Variants in CHM observed in about 807,000 individuals in gnomAD.
CHM encodes CHM Rab escort protein, also known as rab proteins geranylgeranyltransferase component A 1.
A neutral mutation model predicts 49.0 loss-of-function variants in CHM; 10 were observed. That is an observed-to-expected ratio of 0.20 (90% CI 0.13 to 0.35). The LOEUF is 0.35. Among genes scored for constraint, CHM ranks in the 10% least tolerant of loss-of-function variants. The pLI, the probability that CHM is intolerant of heterozygous loss-of-function variation, is 1.00. For synonymous variants in CHM, 184 were observed against 167.5 expected, an observed-to-expected ratio of 1.10 and a Z score of -0.76; for missense variants, 455 against 478.4, an observed-to-expected ratio of 0.95 and a Z score of 0.46.
At chrX:85,955,615 C>G (rs1438593133) in intron 8 of CHM, among the ~76,000 whole-genome samples, 1 of 111,783 alleles carries the variant, frequency 8.9e-6, no homozygotes, top group Admixed American at 9.5e-5. Context: ...TTCTTATGTA[C>G]GGCTAAAAGG....
At chrX:85,915,026 A>G (rs1451794379) in intron 8 of CHM, among the ~76,000 whole-genome samples, 1 of 110,517 alleles carries the variant, frequency 9.0e-6, no homozygotes, top group Non-Finnish European at 1.9e-5. Flanking sequence ...CTTCAAAAAA[A>G]TAAAAAAATA....
At chrX:85,910,375 A>G (rs1299810543) in intron 9 of CHM, among the ~76,000 whole-genome samples, 2 of 111,552 alleles carry the variant, frequency 1.8e-5, no homozygotes, top group Non-Finnish European at 3.8e-5. Flanking sequence ...CCTAAAAACA[A>G]TCATCTAAGA....
intron 9 of CHM, among the ~76,000 whole-genome samples, chrX:85,901,544 TC>T (rs774361172): frequency 1.8e-5 from 2 of 110,511 alleles, no homozygotes; most frequent in African/African-American, 3.3e-5. Flanking sequence ...GGCTTTTTTT[TC>T]CCCCCTTCAC....
chrX:86,012,010 TAA>T (rs1933094696), intron 2 of CHM, among the ~76,000 whole-genome samples: 1 of 112,259 alleles, frequency 8.9e-6, no homozygotes, highest in African/African-American at 3.2e-5. Flanking sequence ...TGTAAAAGAA[TAA>T]GTCTGTATTG....
intron 2 of CHM, among the ~76,000 whole-genome samples, chrX:85,991,440 T>A (rs3790354): frequency 0.18 from 19,519 of 110,830 alleles, 1,581 homozygotes; most frequent in Middle Eastern, 0.25. Flanking sequence ...ACAAGATATA[T>A]TGGTAGCTGT....
At chrX:86,037,110 CTTT>C (rs1048558599) in intron 1 of CHM, among the ~76,000 whole-genome samples, 4 of 70,770 alleles carry the variant, frequency 5.7e-5, no homozygotes, top group Admixed American at 1.8e-4. Context: ...CTAATTTTTC[CTTT>C]TTTTTTTTTT....
At chrX:85,868,396 C>T (rs769056559) in intron 14 of CHM, among the ~76,000 whole-genome samples, 3 of 110,707 alleles carry the variant, frequency 2.7e-5, no homozygotes, top group Non-Finnish European at 3.8e-5. Flanking sequence ...CTCTCCATCC[C>T]GGAGACTCAC....
intron 12 of CHM, among the ~76,000 whole-genome samples, chrX:85,887,865 T>C (rs1214684199): frequency 2.7e-5 from 3 of 111,324 alleles, no homozygotes. Context: ...ATTTACGGTA[T>C]CTGGTGGAAG....
At chrX:85,904,299 A>G (rs1926463314) in intron 9 of CHM, among the ~76,000 whole-genome samples, 1 of 111,417 alleles carries the variant, frequency 9.0e-6, no homozygotes, top group Non-Finnish European at 1.9e-5. Context: ...CACAATGACC[A>G]AGCTGACCAT....
At chrX:85,873,981 T>C (rs1393532124) in intron 13 of CHM, among the ~76,000 whole-genome samples, 1 of 111,336 alleles carries the variant, frequency 9.0e-6, no homozygotes, top group East Asian at 2.8e-4. Flanking sequence ...GCATGTGTCT[T>C]TTATGCGTGT....
intron 8 of CHM, among the ~76,000 whole-genome samples, chrX:85,933,077 G>C (rs893217031): frequency 9.0e-6 from 1 of 111,085 alleles, no homozygotes; most frequent in East Asian, 2.8e-4. Flanking sequence ...AGGCACAGTG[G>C]TGTGCTTGTA....
At chrX:85,914,053 G>C (rs1603249274) in intron 8 of CHM, among the ~76,000 whole-genome samples, 1 of 111,718 alleles carries the variant, frequency 9.0e-6, no homozygotes, top group East Asian at 2.8e-4. Context: ...AATAGGCATA[G>C]AATGGTTCAC....
intron 2 of CHM, 178 bp downstream of exon 2, chrX:86,027,313 C>A: frequency 4.6e-6 from 2 of 439,320 alleles, no homozygotes; most frequent in Admixed American, 3.6e-5. Context: ...AACTTGTATG[C>A]TATATATTTC....
At chrX:86,032,175 G>T (rs1238444536) in intron 1 of CHM, among the ~76,000 whole-genome samples, 1 of 111,938 alleles carries the variant, frequency 8.9e-6, no homozygotes, top group Non-Finnish European at 1.9e-5. Context: ...TGCTTATTTT[G>T]AACTATACAG....
Position 86,001,831 on chromosome X carries a change from C to CA in CHM, c.117-20023dup, listed in dbSNP as rs773676422. Among the ~76,000 whole-genome samples the CA allele has an allele frequency of 5.8e-3, 606 of 104,679 alleles. 3 individuals are homozygous for CA. Among genetic ancestry groups the CA allele is most frequent in the African/African-American group, 0.02 (566 of 28,879 alleles). The allele number at this position is 104,679 out of a possible 115,157, so 90.9% of individuals were successfully genotyped here. A position where few individuals can be genotyped will look rare whatever the true frequency, so the allele number is the denominator to read the frequency against. On this transcript the variant is annotated intron_variant, in intron 2 of 14. Coordinates refer to ENST00000357749, the MANE Select transcript of CHM (RefSeq NM_000390.4). The stretch of plus-strand genomic sequence containing the variant: ...ACAATCAATTGAAAAACAATTTTTT[C>CA]AAAAAAAAAAGTTGTTGTTAAAGTG...
intron 2 of CHM, among the ~76,000 whole-genome samples, chrX:85,989,161 A>G (rs779543419): frequency 1.6e-4 from 18 of 111,840 alleles, no homozygotes; most frequent in Non-Finnish European, 3.0e-4. Flanking sequence ...ACATAGACCA[A>G]TGGAACTGAA....
intron 14 of CHM, among the ~76,000 whole-genome samples, chrX:85,869,167 C>T (rs1175020688): frequency 9.0e-6 from 1 of 111,346 alleles, no homozygotes; most frequent in East Asian, 2.8e-4. Context: ...GTACATACGC[C>T]ACACTACACT....
At chrX:86,014,989 G>A (rs755290833) in intron 2 of CHM, among the ~76,000 whole-genome samples, 43 of 111,245 alleles carry the variant, frequency 3.9e-4, no homozygotes, top group Admixed American at 6.6e-4. Flanking sequence ...TGAGAGGGGT[G>A]GGCCTTGCAT....
In CHM at chrX:85,913,856, C is replaced by A. The variant is rs1927282827; in HGVS notation, c.1167-2518G>T. Among the ~76,000 whole-genome samples the A allele has an allele frequency of 2.7e-5, 3 of 110,075 alleles. No homozygotes were observed. In the Admixed American group the frequency reaches 2.9e-4, roughly 11 times the overall value. ...TAAAAGCTTCTCCCACCAAGCGAGACCAGACAATCAAGTAGACAAGCATAC... is the reference window on the plus strand; with the variant it reads ...TAAAAGCTTCTCCCACCAAGCGAGAACAGACAATCAAGTAGACAAGCATAC... On this transcript the variant is annotated intron_variant, in intron 8 of 14. Transcript: ENST00000357749.
Sources: gnomAD v4.1 joint callset for allele counts (sites outside exome capture counted in the v4.1 genomes callset) on GRCh38, gnomAD v4.1.1 for gene constraint, MANE v1.5 for transcripts, NCBI Gene and HGNC (gene_info 2026-07-23, HGNC 2026-07-21) for gene names.